Variants in ASAH1 observed in about 807,000 individuals in gnomAD.
ASAH1 encodes the protein N-acylsphingosine amidohydrolase 1, also known as acid ceramidase.
Under a neutral mutation model 59.5 loss-of-function variants are expected in ASAH1, and 70 were observed. The observed-to-expected ratio is 1.18, with a 90% CI of 0.97 to 1.43. The LOEUF (loss-of-function observed/expected upper bound fraction) is 1.43, where lower values mean the gene tolerates loss of function less well. Among genes scored for constraint, ASAH1 ranks in the 40% most tolerant of loss-of-function variants. The pLI is 0.00. For synonymous variants in ASAH1, 213 were observed against 166.5 expected (o/e 1.28, Z -2.15); for missense variants, 660 against 482.5 (o/e 1.37, Z -3.45).
chr8:18,082,900 A>T (rs906214083), intron 1 of ASAH1, among the ~76,000 whole-genome samples: 3 of 150,622 alleles, frequency 2.0e-5, no homozygotes, highest in Non-Finnish European at 4.4e-5. Flanking sequence ...CCCACAATGG[A>T]GCAATTTTAT....
chr8:18,067,145 G>GACATACAGCACCTGTGCTGTATA (rs1799962838), intron 5 of ASAH1, 75 bp downstream of exon 5: 3 of 703,774 alleles, frequency 4.3e-6, no homozygotes, highest in Non-Finnish European at 6.6e-6. Flanking sequence ...TGTGCTGTAT[G>GACATACAGCACCTGTGCTGTATA]TATATCACAC....
At chr8:18,083,800 C>A in intron 1 of ASAH1, 181 bp downstream of exon 1, 2 of 1,283,600 alleles carry the variant, frequency 1.6e-6, no homozygotes, top group Non-Finnish European at 1.1e-6. Flanking sequence ...CCGAATCTAC[C>A]GAGGACGGGG....
At chr8:18,076,401 C>A (rs1485936381) in intron 1 of ASAH1, 1 of 152,238 alleles carries the variant, frequency 6.6e-6, no homozygotes, top group Non-Finnish European at 1.5e-5. Flanking sequence ...GCCCCCAACA[C>A]TGACGTCACT....
chr8:18,064,147 C>G (rs1420218370), intron 6 of ASAH1: 1 of 513,430 alleles, frequency 1.9e-6, no homozygotes, highest in Non-Finnish European at 3.4e-6. Context: ...GCACCTCCTG[C>G]GAGCACTTCC....
At chr8:18,067,075 C>T in intron 5 of ASAH1, 145 bp downstream of exon 5, 2 of 680,978 alleles carry the variant, frequency 2.9e-6, no homozygotes, top group Non-Finnish European at 4.7e-6. Context: ...TCTGAAGCTT[C>T]ACTGAGCTGT....
At position 18,063,398 on chromosome 8, in the gene ASAH1, G is replaced by A. The variant is rs139608169; in HGVS notation, c.458-168C>T. ...AGCTCACTGCGACCTCTGCCTCCCA[G>A]GTTCAAGCAATTCTTGTGCCTCAGC... On this transcript the variant is annotated intron_variant, in intron 6 of 13. Coordinates refer to ENST00000637790, the MANE Select transcript of ASAH1 (RefSeq NM_177924.5). The A allele has an allele frequency of 9.9e-4, 656 of 659,828 alleles. 7 individuals are homozygous for A. The African/African-American group carries it at 0.011, about 11-fold the overall frequency. 40.9% of individuals were successfully genotyped at this position (659,828 alleles called of 1,614,324 possible).
At position 18,059,346 on chromosome 8, in the gene ASAH1, G is replaced by A. The variant is rs1371933986; in HGVS notation, c.1036C>T (p.Gln346Ter). ...AGATGACCCTGCAAAGGTACCTCTT[G>A]GCTGGTGCGGTTCAGACACATCTTT... ...PAKMCLNRTSQENISFETMYD... is the reference protein window; with the variant it reads ...PAKMCLNRTS Residue 346 changes from glutamine (Q) to a stop codon, truncating the protein, a stop_gained, in exon 12 of 14, where the codon CAA becomes TAA. Coordinates refer to ENST00000637790, the MANE Select transcript of ASAH1 (RefSeq NM_177924.5). LOFTEE classifies it high-confidence loss of function. 6.2e-7 allele frequency: 1 copy of A among 1,614,080 alleles called. No individual in the cohort carries two copies. The highest frequency in any genetic ancestry group is 8.5e-7 in the Non-Finnish European group (1 of 1,180,040).
At chr8:18,073,969 T>C (rs1252627441) in intron 2 of ASAH1, among the ~76,000 whole-genome samples, 1 of 152,208 alleles carries the variant, frequency 6.6e-6, no homozygotes, top group East Asian at 1.9e-4. Flanking sequence ...CATATGTATG[T>C]ATACATGTAG....
Position 18,081,231 on chromosome 8 carries a change from C to T in ASAH1, c.78+2750G>A, listed in dbSNP as rs776683914. Among the ~76,000 whole-genome samples the T allele has an allele frequency of 3.9e-5, 6 of 152,324 alleles. No homozygotes were observed. The South Asian group carries it at 6.2e-4, about 16-fold the overall frequency. ...CGCTGACACCTCACTCCCTCATCCT[C>T]ACCCAACGATTCCTTCAGCTCATTC... On this transcript the variant is annotated intron_variant, in intron 1 of 13. Coordinates refer to ENST00000637790, the MANE Select transcript of ASAH1 (RefSeq NM_177924.5).
intron 12 of ASAH1, 126 bp downstream of exon 12, chr8:18,059,215 G>C: frequency 6.9e-7 from 1 of 1,448,084 alleles, no homozygotes; most frequent in South Asian, 1.2e-5. Flanking sequence ...AATCAGTGGA[G>C]AGTGGCTAGA....
chr8:18,069,811 T>A lies in ASAH1; in HGVS notation c.284A>T (p.Gln95Leu), dbSNP rs141265444. 6.3e-7 allele frequency: 1 copy of A among 1,584,084 alleles called. No individual in the cohort carries two copies. ...NTFVPSGKIM[Q>L]VVDEKLPGLL... ...TCTTACCAATTTTTCATCCACCACCTGCATAATTTTTCCACTTGGCACGAA... is the reference window on the plus strand; with the variant it reads ...TCTTACCAATTTTTCATCCACCACCAGCATAATTTTTCCACTTGGCACGAA... The change falls in exon 4 of 14, where the codon CAG becomes CTG. Residue 95 changes from glutamine (Q) to leucine (L), a missense_variant. Transcript: ENST00000637790.
intron 1 of ASAH1, chr8:18,082,745 TG>T (rs1167662362): frequency 6.6e-6 from 1 of 152,216 alleles, no homozygotes; most frequent in African/African-American, 2.4e-5. Context: ...TGGTCTCCTT[TG>T]CCTCAAAGAA....
intron 6 of ASAH1, 196 bp from the exon 7 acceptor site, chr8:18,063,426 T>G (rs1799791584): frequency 1.7e-6 from 1 of 591,256 alleles, no homozygotes. Context: ...GCCTCAGCCT[T>G]CCACGTAGTT....
At chr8:18,082,192 G>A (rs914743062) in intron 1 of ASAH1, among the ~76,000 whole-genome samples, 1 of 152,056 alleles carries the variant, frequency 6.6e-6, no homozygotes, top group African/African-American at 2.4e-5. Context: ...TTTGATAATC[G>A]CTGTTCTAGA....
rs1188306524 is a variant in ASAH1, at chr8:18,062,269, G to A, written c.648+10C>T. The A allele has an allele frequency of 2.5e-6, 4 of 1,614,002 alleles. No homozygotes were observed. In the Admixed American group the frequency reaches 6.7e-5, roughly 27 times the overall value. ...CTACCTGTATAATTATGTAACAACA[G>A]ACTCCTTACTGGTTTGAATCCTGTT... is the stretch of plus-strand genomic sequence containing the variant. On this transcript the variant is annotated intron_variant, in intron 8 of 13. Coordinates refer to ENST00000637790, the MANE Select transcript of ASAH1 (RefSeq NM_177924.5).
chr8:18,064,494 A>G lies in ASAH1; in HGVS notation c.420T>C (p.Phe140=), dbSNP rs745576838. The G allele has an allele frequency of 1.3e-6, 2 of 1,580,316 alleles. No homozygotes were observed. Among genetic ancestry groups the G allele is most frequent in the Admixed American group, 3.4e-5 (2 of 59,630 alleles). The change falls in exon 6 of 14, where the codon TTT becomes TTC. Residue 140 remains phenylalanine, a synonymous_variant. Transcript: ENST00000637790. ...IISFNIFYEL[F]TICTSIVAED... ...CTGCTACTATTGAAGTACAAATGGTAAATAATTCATAAAAAATATTGAATG... is the reference window on the plus strand; with the variant it reads ...CTGCTACTATTGAAGTACAAATGGTGAATAATTCATAAAAAATATTGAATG...
intron 4 of ASAH1, chr8:18,069,336 T>C (rs1800062832): frequency 6.2e-6 from 1 of 161,042 alleles, no homozygotes; most frequent in Non-Finnish European, 1.3e-5. Flanking sequence ...AATGGTTTGG[T>C]GATTGCACAG....
intron 7 of ASAH1, chr8:18,062,865 GTTCTTTTTT>G: frequency 7.1e-6 from 2 of 282,208 alleles, no homozygotes; most frequent in South Asian, 6.7e-5. Flanking sequence ...ACAGTTCTGT[GTTCTTTTTT>G]TTTTTTTTTT....
chr8:18,064,514 T>A lies in ASAH1; in HGVS notation c.400A>T (p.Asn134Tyr). 2 of 1,548,598 alleles carry A rather than the reference T, an allele frequency of 1.3e-6. No homozygotes were observed. The highest frequency in any genetic ancestry group is 1.8e-6 in the Non-Finnish European group (2 of 1,125,334). ...ATGGTAAATAATTCATAAAAAATAT[T>A]GAATGAAATAATCTCTCCTATGAGA... ...DIPLGEIISF[N>Y]IFYELFTICT... The change falls in exon 6 of 14, where the codon AAT becomes TAT. Residue 134 changes from asparagine to tyrosine, a missense_variant. Transcript: ENST00000637790.
Sources: allele counts gnomAD v4.1 joint callset (sites outside exome capture counted in the v4.1 genomes callset), GRCh38; gene constraint gnomAD v4.1.1; transcripts MANE v1.5; gene names NCBI Gene and HGNC (gene_info 2026-07-23, HGNC 2026-07-21).